LRP1B: variants seen among roughly 807,000 people sequenced by gnomAD.
LRP1B encodes low-density lipoprotein receptor-related protein 1B.
LRP1B carries 217 observed loss-of-function variants against 556.6 expected under a neutral mutation model. The ratio of observed to expected loss-of-function variants is 0.39; its 90% CI spans 0.35 to 0.44. LRP1B has a LOEUF of 0.44. LRP1B is among the 20% of genes least tolerant of loss of function. LRP1B has a pLI of 1.00. For missense variants in LRP1B, 5,053 were observed against 5,620.8 expected (o/e 0.90, Z 3.23); for synonymous variants, 2,047 against 1,865.8 (o/e 1.10, Z -2.50).
intron 2 of LRP1B, among the ~76,000 whole-genome samples, chr2:141,521,914 T>C (rs1375931463): frequency 6.6e-6 from 1 of 152,148 alleles, no homozygotes; most frequent in Non-Finnish European, 1.5e-5. Context: ...TGAGTAGTTA[T>C]ACGTGTACAG....
At chr2:141,315,321 G>A (rs1408298790) in intron 3 of LRP1B, among the ~76,000 whole-genome samples, 3 of 140,454 alleles carry the variant, frequency 2.1e-5, no homozygotes, top group Non-Finnish European at 3.0e-5. Context: ...GTGCAGTGGC[G>A]CGATCTTGGC....
intron 25 of LRP1B, among the ~76,000 whole-genome samples, chr2:140,869,762 G>A (rs1018713615): frequency 3.3e-5 from 5 of 152,042 alleles, no homozygotes; most frequent in African/African-American, 4.8e-5. Context: ...ATCTCAGATT[G>A]AGGGAAGGAT....
intron 1 of LRP1B, among the ~76,000 whole-genome samples, chr2:141,906,316 T>C (rs1699759550): frequency 6.6e-6 from 1 of 151,924 alleles, no homozygotes; most frequent in African/African-American, 2.4e-5. Context: ...TTATGGAGTG[T>C]CCATGGTGAG....
rs764629916 is a variant in LRP1B at position 140,525,851 on chromosome 2, C to T, written c.8019G>A (p.Lys2673=). 3.7e-6 allele frequency: 6 copies of T among 1,611,494 alleles called. No individual in the cohort carries two copies. The highest frequency in any genetic ancestry group is 4.2e-6 in the Non-Finnish European group (5 of 1,178,414). ...TCTAAATTCTAGTATTACCTGGGCA[C>T]TTTAATTCATCTGAATAGTCTCCAC... ...NDCGDYSDEL[K]CPVQNKHKCE... Residue 2673 remains lysine, a synonymous_variant, in exon 49 of 91, where the codon AAG becomes AAA. Transcript: ENST00000389484.
intron 2 of LRP1B, among the ~76,000 whole-genome samples, chr2:141,779,134 G>C (rs565338905): frequency 6.6e-6 from 1 of 152,212 alleles, no homozygotes; most frequent in East Asian, 1.9e-4. Context: ...CACGTTGAAA[G>C]CCAAATCACT....
chr2:141,122,983 G>C (rs1328851667), intron 7 of LRP1B, among the ~76,000 whole-genome samples: 1 of 151,994 alleles, frequency 6.6e-6, no homozygotes, highest in African/African-American at 2.4e-5. Flanking sequence ...ATCATTCTCA[G>C]TAAACTATTG....
intron 41 of LRP1B, among the ~76,000 whole-genome samples, chr2:140,695,446 C>T (rs1428542269): frequency 1.3e-5 from 2 of 152,048 alleles, no homozygotes; most frequent in East Asian, 3.9e-4. Context: ...CCCTGTGGGG[C>T]AGTATTCCCC....
intron 82 of LRP1B, among the ~76,000 whole-genome samples, chr2:140,320,909 A>T (rs536235366): frequency 7.2e-5 from 11 of 152,038 alleles, no homozygotes; most frequent in Non-Finnish European, 1.3e-4. Context: ...ACACAAAATT[A>T]TCCAGGCATA....
At chr2:140,975,681 T>C (rs766601443) in intron 18 of LRP1B, among the ~76,000 whole-genome samples, 12 of 152,162 alleles carry the variant, frequency 7.9e-5, no homozygotes, top group Non-Finnish European at 1.6e-4. Flanking sequence ...TTGAAAGCAG[T>C]GCTGGACAAT....
intron 1 of LRP1B, among the ~76,000 whole-genome samples, chr2:141,961,238 A>T (rs1701396922): frequency 6.6e-6 from 1 of 151,720 alleles, no homozygotes; most frequent in South Asian, 2.1e-4. Flanking sequence ...GAAAATATGA[A>T]CTCTTGTCTT....
At chr2:140,600,716 A>G (rs1682620805) in intron 42 of LRP1B, among the ~76,000 whole-genome samples, 1 of 144,942 alleles carries the variant, frequency 6.9e-6, no homozygotes, top group South Asian at 2.2e-4. Flanking sequence ...TGAGAGTGAA[A>G]GTCCATAGAT....
chr2:141,104,859 T>G (rs115845492), intron 7 of LRP1B, among the ~76,000 whole-genome samples: 477 of 152,102 alleles, frequency 3.1e-3, no homozygotes, highest in Non-Finnish European at 5.9e-3. Context: ...GTCGTTAATA[T>G]GATTATTGAG....
intron 35 of LRP1B, among the ~76,000 whole-genome samples, chr2:140,738,808 G>C (rs764289123): frequency 1.3e-5 from 2 of 152,154 alleles, no homozygotes; most frequent in Non-Finnish European, 2.9e-5. Flanking sequence ...ATTTAGAAAT[G>C]TGGATGAGCC....
chr2:141,388,586 C>G (rs1222204268), intron 3 of LRP1B, among the ~76,000 whole-genome samples: 2 of 151,990 alleles, frequency 1.3e-5, no homozygotes, highest in Non-Finnish European at 2.9e-5. Flanking sequence ...AGTTTTCACC[C>G]TAAGATCAGG....
At position 140,770,603 on chromosome 2, in the gene LRP1B, G is replaced by A. The variant is rs575075669; in HGVS notation, c.5626+278C>T. 4.6e-5 allele frequency among the ~76,000 whole-genome samples: 7 copies of A among 152,082 alleles called. No homozygotes were observed. The South Asian group carries it at 8.3e-4, about 18-fold the overall frequency. On this transcript the variant is annotated intron_variant, in intron 34 of 90. Coordinates refer to ENST00000389484, the MANE Select transcript of LRP1B (RefSeq NM_018557.3). ...ACTATAATTTTTGCCTATTCAGGTC[G>A]AAGGTAGCTTTTACTAGATTTGGTT...
intron 1 of LRP1B, among the ~76,000 whole-genome samples, chr2:141,875,116 G>A (rs201702992): frequency 1.3e-5 from 2 of 151,366 alleles, no homozygotes. Context: ...TATACACAGT[G>A]TAATGTATAC....
intron 1 of LRP1B, among the ~76,000 whole-genome samples, chr2:142,089,873 G>A (rs1010064708): frequency 1.3e-5 from 2 of 151,404 alleles, no homozygotes; most frequent in Admixed American, 6.6e-5. Context: ...TGAGAAGAGG[G>A]CTTTCTTGTA....
chr2:140,948,764 C>T (rs1695618489), intron 20 of LRP1B, among the ~76,000 whole-genome samples: 1 of 152,162 alleles, frequency 6.6e-6, no homozygotes, highest in African/African-American at 2.4e-5. Flanking sequence ...GCCTATAGGC[C>T]ATTGTTTAGC....
intron 3 of LRP1B, among the ~76,000 whole-genome samples, chr2:141,462,981 C>G (rs142874079): frequency 0.01 from 1,582 of 152,218 alleles, 27 homozygotes; most frequent in African/African-American, 0.035. Context: ...CAATTTTTCA[C>G]AACTGAATAC....
Sources: gnomAD v4.1 joint callset for allele counts (sites outside exome capture counted in the v4.1 genomes callset) on GRCh38, gnomAD v4.1.1 for gene constraint, MANE v1.5 for transcripts, NCBI Gene and HGNC (gene_info 2026-07-23, HGNC 2026-07-21) for gene names.